The following PLEKHH2 variants were observed in gnomAD, a reference collection of about 807,000 sequenced individuals.
PLEKHH2 encodes pleckstrin homology domain-containing family H member 2.
PLEKHH2 carries 129 observed loss-of-function variants against 187.9 expected under a neutral mutation model. The observed-to-expected ratio is 0.69, with a 90% CI of 0.59 to 0.79. The LOEUF is 0.79. Among genes scored for constraint, PLEKHH2 ranks in the 30% least tolerant of loss-of-function variants. The pLI is 0.00. For synonymous variants in PLEKHH2, 686 were observed against 605.6 expected (o/e 1.13, Z -1.95); for missense variants, 2,076 against 1,751.2 (o/e 1.19, Z -3.31).
chr2:43,711,598 A>G, intron 14 of PLEKHH2: 1 of 976,120 alleles, frequency 1.0e-6, no homozygotes, highest in Non-Finnish European at 1.2e-6. Context: ...TCATTTCAAT[A>G]AGTAGGAACC....
At chr2:43,715,413 C>T (rs888907031) in intron 15 of PLEKHH2, among the ~76,000 whole-genome samples, 5 of 152,098 alleles carry the variant, frequency 3.3e-5, no homozygotes, top group Non-Finnish European at 7.4e-5. Context: ...GGTCTTTATC[C>T]TGAAGGATAT....
At chr2:43,706,545 A>G in intron 10 of PLEKHH2, 129 bp downstream of exon 10, 1 of 678,392 alleles carries the variant, frequency 1.5e-6, no homozygotes. Flanking sequence ...AAGTTTTACA[A>G]GTTCACGTTA....
chr2:43,700,235 A>G lies in PLEKHH2; in HGVS notation c.1277A>G (p.Lys426Arg), dbSNP rs115528845. 22,702 of 1,614,112 alleles carry G rather than the reference A, an allele frequency of 0.014. 217 individuals carry two copies. Among genetic ancestry groups the G allele is most frequent in the Non-Finnish European group, 0.017 (20,558 of 1,179,996 alleles). Residue 426 changes from lysine to arginine, a missense_variant, in exon 8 of 30, where the codon AAA (lysine) becomes AGA (arginine). Lys to Arg is a conservative substitution (Grantham distance 26). Coordinates refer to ENST00000282406, the MANE Select transcript of PLEKHH2 (RefSeq NM_172069.4). ...AAGCATCCTAACTCACTCTCTGGAA[A>G]AGGAACACAATTAGTGCCTTCATCA... is the stretch of plus-strand genomic sequence containing the variant. Reference protein sequence around the residue: ...MPKHPNSLSGKGTQLVPSSHL... With the variant: ...MPKHPNSLSGRGTQLVPSSHL...
At chr2:43,677,467 T>A (rs1667877093) in intron 2 of PLEKHH2, among the ~76,000 whole-genome samples, 3 of 152,156 alleles carry the variant, frequency 2.0e-5, no homozygotes, top group Admixed American at 1.3e-4. Context: ...TTAATCCATT[T>A]AACCCTGAGT....
chr2:43,692,388 G>T (rs1397748921), intron 3 of PLEKHH2, 126 bp from the exon 4 acceptor site: 3 of 686,612 alleles, frequency 4.4e-6, no homozygotes, highest in Non-Finnish European at 7.1e-6. Flanking sequence ...ATTAAACCTT[G>T]CTGTTTAATA....
At chr2:43,640,752 T>A (rs914696599) in intron 1 of PLEKHH2, among the ~76,000 whole-genome samples, 5 of 151,976 alleles carry the variant, frequency 3.3e-5, no homozygotes, top group Admixed American at 6.6e-5. Context: ...TTCAGATACT[T>A]TGCCCATTTT....
At chr2:43,748,067 G>A (rs1021155202) in intron 24 of PLEKHH2, among the ~76,000 whole-genome samples, 5 of 152,278 alleles carry the variant, frequency 3.3e-5, no homozygotes, top group African/African-American at 1.2e-4. Context: ...AAATAAATAT[G>A]GCACATTCAT....
chr2:43,724,432 T>C (rs929318616), intron 16 of PLEKHH2, among the ~76,000 whole-genome samples: 2 of 152,218 alleles, frequency 1.3e-5, no homozygotes, highest in African/African-American at 4.8e-5. Context: ...ATGCAGACCG[T>C]GTATTTTCCT....
chr2:43,748,619 C>T (rs995099609), intron 24 of PLEKHH2, among the ~76,000 whole-genome samples: 4 of 152,238 alleles, frequency 2.6e-5, no homozygotes, highest in Non-Finnish European at 5.9e-5. Context: ...CCAGATAATT[C>T]TTACACGTGC....
Position 43,729,693 on chromosome 2 carries a change from A to T in PLEKHH2, c.2778A>T (p.Gly926=). The T allele has an allele frequency of 6.2e-7, 1 of 1,610,334 alleles. No individual in the cohort carries two copies. The highest frequency in any genetic ancestry group is 8.5e-7 in the Non-Finnish European group (1 of 1,178,838). ...VAAGSNNVNV[G]SEFEQLVCKL... ...CTGGAAGCAACAATGTAAACGTTGGATCTGAATTTGAACAACTGGTTTGCA... is the reference window on the plus strand; with the variant it reads ...CTGGAAGCAACAATGTAAACGTTGGTTCTGAATTTGAACAACTGGTTTGCA... The change falls in exon 18 of 30, where the codon GGA becomes GGT. Residue 926 remains glycine, a synonymous_variant. Coordinates refer to ENST00000282406, the MANE Select transcript of PLEKHH2 (RefSeq NM_172069.4).
chr2:43,683,569 A>T (rs935279553), intron 3 of PLEKHH2, among the ~76,000 whole-genome samples: 2 of 151,770 alleles, frequency 1.3e-5, no homozygotes, highest in Non-Finnish European at 1.5e-5. Flanking sequence ...ACTTATTTGT[A>T]TGGGTTAATT....
At chr2:43,669,095 A>G (rs958528691) in intron 2 of PLEKHH2, among the ~76,000 whole-genome samples, 2 of 152,168 alleles carry the variant, frequency 1.3e-5, no homozygotes, top group Non-Finnish European at 2.9e-5. Context: ...TCTTTGGTTG[A>G]CTAAGGCCCC....
intron 2 of PLEKHH2, among the ~76,000 whole-genome samples, chr2:43,659,506 A>G (rs1035786908): frequency 6.6e-6 from 1 of 151,376 alleles, no homozygotes; most frequent in African/African-American, 2.4e-5. Flanking sequence ...TCTTTTGACC[A>G]TTGATATTGT....
chr2:43,736,877 G>T (rs1177229965), intron 19 of PLEKHH2, among the ~76,000 whole-genome samples: 1 of 152,100 alleles, frequency 6.6e-6, no homozygotes, highest in East Asian at 1.9e-4. Flanking sequence ...AAGAGAGGGA[G>T]GGAGGGAGAG....
At chr2:43,708,061 C>A (rs191150291) in intron 11 of PLEKHH2, among the ~76,000 whole-genome samples, 83 of 152,210 alleles carry the variant, frequency 5.5e-4, no homozygotes, top group African/African-American at 2.0e-3. Context: ...TATAAAAAGC[C>A]CTTAATGCAG....
Position 43,699,524 on chromosome 2 carries a change from C to G in PLEKHH2, c.689-123C>G. The G allele has an allele frequency of 3.3e-6, 4 of 1,196,610 alleles. No individual in the cohort carries two copies. In the South Asian group the frequency reaches 6.1e-5, roughly 18 times the overall value. 74.1% of individuals were successfully genotyped at this position (1,196,610 alleles called of 1,614,324 possible). On this transcript the variant is annotated intron_variant, in intron 7 of 29. Transcript: ENST00000282406. ...TCCCAAGTAGCTGGGACTACAGGTACACACCACTGCACCCAGCAAATTTCT... is the reference window on the plus strand; with the variant it reads ...TCCCAAGTAGCTGGGACTACAGGTAGACACCACTGCACCCAGCAAATTTCT...
rs550498531 is a variant in PLEKHH2, at chr2:43,754,296, T to G, written c.3795+536T>G. Among the ~76,000 whole-genome samples, 4 of 151,858 alleles carry G rather than the reference T, an allele frequency of 2.6e-5. No homozygotes were observed. The East Asian group carries it at 7.7e-4, about 29-fold the overall frequency. On this transcript the variant is annotated intron_variant, in intron 25 of 29. Coordinates refer to ENST00000282406, the MANE Select transcript of PLEKHH2 (RefSeq NM_172069.4). ...TGGCACCTCTGTGAAGCCATTAGGG[T>G]CATGGGCTTTATCCTGTTCTCTCTT...
chr2:43,765,592 A>C lies in PLEKHH2; in HGVS notation c.4476A>C (p.Leu1492Phe), dbSNP rs199578068. The C allele has an allele frequency of 1.1e-5, 18 of 1,612,762 alleles. No homozygotes were observed. The highest frequency in any genetic ancestry group is 1.4e-5 in the Non-Finnish European group (17 of 1,179,548). Residue 1492 changes from leucine to phenylalanine, a missense_variant, in exon 30 of 30, where the codon TTA becomes TTC. Physicochemically the swap from Leu to Phe is conservative, Grantham distance 22. Coordinates refer to ENST00000282406, the MANE Select transcript of PLEKHH2 (RefSeq NM_172069.4). The part of the protein sequence containing the change: ...SSSRPTKGPT[L>F]L ...GCAGACCGACCAAAGGCCCCACCTTACTCTGAAAGCTGGGGAGCCTGAACA... is the reference window on the plus strand; with the variant it reads ...GCAGACCGACCAAAGGCCCCACCTTCCTCTGAAAGCTGGGGAGCCTGAACA...
intron 8 of PLEKHH2, among the ~76,000 whole-genome samples, chr2:43,700,996 T>C (rs1407211766): frequency 6.6e-6 from 1 of 152,234 alleles, no homozygotes; most frequent in South Asian, 2.1e-4. Flanking sequence ...TTCCAGTTTT[T>C]AGGATAAAAT....
Sources: allele counts gnomAD v4.1 joint callset (sites outside exome capture counted in the v4.1 genomes callset), GRCh38; gene constraint gnomAD v4.1.1; transcripts MANE v1.5; gene names NCBI Gene and HGNC (gene_info 2026-07-23, HGNC 2026-07-21).